The following AGBL4 variants were observed in gnomAD, a reference collection of about 807,000 sequenced individuals.
AGBL4 encodes the protein cytosolic carboxypeptidase 6.
A neutral mutation model predicts 66.4 loss-of-function variants in AGBL4; 58 were observed. The observed-to-expected ratio is 0.87, with a 90% CI of 0.71 to 1.09. The LOEUF (loss-of-function observed/expected upper bound fraction) is 1.09. Ranked by LOEUF, AGBL4 falls within the 50% of genes least tolerant of loss-of-function variation. The pLI, the probability that AGBL4 is intolerant of heterozygous loss-of-function variation, is 0.00. For synonymous variants in AGBL4, 234 were observed against 222.9 expected, an observed-to-expected ratio of 1.05 and a Z score of -0.44; for missense variants, 579 against 631.0, an observed-to-expected ratio of 0.92 and a Z score of 0.88.
intron 1 of AGBL4, among the ~76,000 whole-genome samples, chr1:49,919,473 G>C (rs890655861): frequency 6.6e-6 from 1 of 152,224 alleles, no homozygotes; most frequent in East Asian, 1.9e-4. Flanking sequence ...AATCATGAAT[G>C]AACTCCCATT....
At chr1:49,728,697 C>T (rs1453709018) in intron 2 of AGBL4, among the ~76,000 whole-genome samples, 1 of 152,106 alleles carries the variant, frequency 6.6e-6, no homozygotes, top group Non-Finnish European at 1.5e-5. Flanking sequence ...GAAAAGGAGC[C>T]TAGCAATAGA....
At chr1:48,962,215 T>C (rs1159548796) in intron 5 of AGBL4, among the ~76,000 whole-genome samples, 1 of 152,222 alleles carries the variant, frequency 6.6e-6, no homozygotes, top group Non-Finnish European at 1.5e-5. Context: ...CAGATACTTA[T>C]TAGCCATGTG....
At chr1:49,139,766 G>A (rs538839669) in intron 4 of AGBL4, among the ~76,000 whole-genome samples, 1 of 152,110 alleles carries the variant, frequency 6.6e-6, no homozygotes, top group Admixed American at 6.6e-5. Context: ...AGTGGAAAGG[G>A]TCTTGACAAG....
chr1:49,261,104 A>C (rs530610883), intron 3 of AGBL4, among the ~76,000 whole-genome samples: 1 of 152,262 alleles, frequency 6.6e-6, no homozygotes, highest in South Asian at 2.1e-4. Flanking sequence ...GACAAAATTC[A>C]ACAACGCTTC....
intron 2 of AGBL4, among the ~76,000 whole-genome samples, chr1:49,796,581 G>A (rs894127692): frequency 3.3e-5 from 5 of 150,224 alleles, no homozygotes; most frequent in East Asian, 1.9e-4. Flanking sequence ...TTAAAAATTC[G>A]TTCATGTATA....
At chr1:48,832,639 C>A (rs1276230349) in intron 6 of AGBL4, among the ~76,000 whole-genome samples, 2 of 152,044 alleles carry the variant, frequency 1.3e-5, no homozygotes, top group Non-Finnish European at 2.9e-5. Context: ...ACGGAGTGCC[C>A]AGATATTTGC....
chr1:49,848,019 G>A (rs923650725), intron 2 of AGBL4, among the ~76,000 whole-genome samples: 5 of 151,854 alleles, frequency 3.3e-5, no homozygotes, highest in African/African-American at 1.2e-4. Flanking sequence ...TTTTTAAAAT[G>A]TTCAACATCA....
At chr1:49,609,530 G>T (rs1052752670) in intron 3 of AGBL4, among the ~76,000 whole-genome samples, 1 of 152,038 alleles carries the variant, frequency 6.6e-6, no homozygotes, top group Non-Finnish European at 1.5e-5. Flanking sequence ...AAAAGAAGGG[G>T]ATTAAAATCT....
chr1:49,161,305 G>C (rs1247985632), intron 4 of AGBL4, among the ~76,000 whole-genome samples: 1 of 152,138 alleles, frequency 6.6e-6, no homozygotes, highest in Non-Finnish European at 1.5e-5. Flanking sequence ...GTTAGGAGAG[G>C]GAGTTCCCTG....
intron 1 of AGBL4, among the ~76,000 whole-genome samples, chr1:49,894,168 T>C (rs1571820513): frequency 2.6e-5 from 4 of 152,208 alleles, no homozygotes; most frequent in Admixed American, 2.0e-4. Context: ...AGTACTGGAC[T>C]GGGAGTGCCT....
chr1:49,201,892 C>T (rs1351767936), intron 4 of AGBL4, among the ~76,000 whole-genome samples: 1 of 151,892 alleles, frequency 6.6e-6, no homozygotes, highest in Non-Finnish European at 1.5e-5. Context: ...AAAGAGAGCA[C>T]ATGTATATAC....
At chr1:49,048,262 G>GGTAT (rs1458052023) in intron 4 of AGBL4, 1 of 151,976 alleles carries the variant, frequency 6.6e-6, no homozygotes, top group Non-Finnish European at 1.5e-5. Context: ...ATCCAACCAG[G>GGTAT]GTATATGCTT....
At chr1:49,428,119 G>A (rs1645707372) in intron 3 of AGBL4, among the ~76,000 whole-genome samples, 1 of 152,142 alleles carries the variant, frequency 6.6e-6, no homozygotes, top group Admixed American at 6.5e-5. Flanking sequence ...CCCCACCCAG[G>A]AGCCCAGCTG....
intron 3 of AGBL4, among the ~76,000 whole-genome samples, chr1:49,353,820 ACAGT>A (rs1220142754): frequency 6.6e-6 from 1 of 152,126 alleles, no homozygotes; most frequent in African/African-American, 2.4e-5. Context: ...TCAGCTGAGG[ACAGT>A]CAGAGAGAAG....
chr1:49,976,734 C>T (rs1658588366), intron 1 of AGBL4, among the ~76,000 whole-genome samples: 2 of 152,184 alleles, frequency 1.3e-5, no homozygotes, highest in South Asian at 2.1e-4. Flanking sequence ...TCCTATGCTA[C>T]TTTGTAATTT....
At chr1:49,645,918 A>G (rs1309560688) in intron 3 of AGBL4, among the ~76,000 whole-genome samples, 1 of 151,650 alleles carries the variant, frequency 6.6e-6, no homozygotes, top group Non-Finnish European at 1.5e-5. Flanking sequence ...AAAAGAAAAA[A>G]AAACCCATAT....
chr1:49,294,006 C>G (rs924989973), intron 3 of AGBL4, among the ~76,000 whole-genome samples: 3 of 152,280 alleles, frequency 2.0e-5, no homozygotes, highest in Non-Finnish European at 4.4e-5. Context: ...GTTTTACCCT[C>G]TATGGTTTTA....
At chr1:49,681,848 T>A (rs1646700220) in intron 3 of AGBL4, among the ~76,000 whole-genome samples, 1 of 152,182 alleles carries the variant, frequency 6.6e-6, no homozygotes, top group Non-Finnish European at 1.5e-5. Context: ...GGTCATTGGC[T>A]TAGCAAAGTA....
intron 4 of AGBL4, among the ~76,000 whole-genome samples, chr1:49,139,564 C>G (rs1325802553): frequency 6.6e-6 from 1 of 152,122 alleles, no homozygotes; most frequent in Non-Finnish European, 1.5e-5. Flanking sequence ...GCCATCCAAT[C>G]AGGACCTTTT....
Sources: allele counts gnomAD v4.1 joint callset (sites outside exome capture counted in the v4.1 genomes callset), GRCh38; gene constraint gnomAD v4.1.1; transcripts MANE v1.5; gene names NCBI Gene and HGNC (gene_info 2026-07-23, HGNC 2026-07-21).